DLGAP2: variants seen among roughly 807,000 people sequenced by gnomAD.
DLGAP2 encodes disks large-associated protein 2.
In DLGAP2, 26 loss-of-function variants were observed where a neutral mutation model predicts 100.3. That is an observed-to-expected ratio of 0.26 (90% CI 0.19 to 0.36). DLGAP2 has a LOEUF of 0.36. DLGAP2 is among the 10% of genes least tolerant of loss of function. The pLI is 1.00. For synonymous variants in DLGAP2, 886 were observed against 630.1 expected (o/e 1.41, Z -6.08); for missense variants, 1,858 against 1,453.2 (o/e 1.28, Z -4.53).
At chr8:1,564,790 A>G (rs573913186) in intron 5 of DLGAP2, among the ~76,000 whole-genome samples, 1 of 152,238 alleles carries the variant, frequency 6.6e-6, no homozygotes, top group African/African-American at 2.4e-5. Flanking sequence ...CAGACATATA[A>G]CAAGCACAGG....
At chr8:1,563,119 C>T (rs528131407) in intron 5 of DLGAP2, among the ~76,000 whole-genome samples, 51 of 55,484 alleles carry the variant, frequency 9.2e-4, no homozygotes, top group African/African-American at 3.9e-3. Context: ...GGGGTGTCCG[C>T]GCCTCATTGC....
intron 8 of DLGAP2, among the ~76,000 whole-genome samples, chr8:1,644,291 G>A (rs565202130): frequency 5.9e-5 from 9 of 152,308 alleles, no homozygotes; most frequent in African/African-American, 1.9e-4. Flanking sequence ...GCCTCGTCTC[G>A]GCTCTGTGCA....
intron 2 of DLGAP2, among the ~76,000 whole-genome samples, chr8:911,709 G>A (rs1269599277): frequency 6.6e-6 from 1 of 151,832 alleles, no homozygotes; most frequent in Non-Finnish European, 1.5e-5. Flanking sequence ...GGAGAATGTT[G>A]GAAGGATGTG....
intron 3 of DLGAP2, among the ~76,000 whole-genome samples, chr8:1,317,855 C>T (rs1234163788): frequency 6.8e-6 from 1 of 146,408 alleles, no homozygotes; most frequent in Non-Finnish European, 1.5e-5. Flanking sequence ...TCGAGACACT[C>T]AGCAGCTTTT....
chr8:1,382,814 T>C (rs1328412553), intron 3 of DLGAP2, among the ~76,000 whole-genome samples: 1 of 152,210 alleles, frequency 6.6e-6, no homozygotes, highest in East Asian at 1.9e-4. Flanking sequence ...CCATATTGAA[T>C]GCTTCATCAA....
At chr8:1,309,954 G>A (rs1014813956) in intron 3 of DLGAP2, among the ~76,000 whole-genome samples, 3 of 151,718 alleles carry the variant, frequency 2.0e-5, no homozygotes, top group African/African-American at 7.3e-5. Context: ...AATTAGCCAG[G>A]TGTGGTGTTG....
intron 1 of DLGAP2, among the ~76,000 whole-genome samples, chr8:897,349 G>T (rs865860120): frequency 6.6e-6 from 1 of 152,322 alleles, no homozygotes; most frequent in Middle Eastern, 3.4e-3. Context: ...CACCACGATT[G>T]TGCCGATGTA....
chr8:877,051 A>C (rs1797699085), intron 1 of DLGAP2, among the ~76,000 whole-genome samples: 1 of 148,954 alleles, frequency 6.7e-6, no homozygotes, highest in Non-Finnish European at 1.5e-5. Flanking sequence ...TTACCTCTTC[A>C]GTCATAGTCT....
chr8:1,664,014 A>G (rs1171098240), intron 8 of DLGAP2, among the ~76,000 whole-genome samples: 1 of 152,218 alleles, frequency 6.6e-6, no homozygotes, highest in Non-Finnish European at 1.5e-5. Context: ...AGTTTGCAGT[A>G]TCCTTATGCC....
At chr8:1,456,669 C>T (rs538280040) in intron 3 of DLGAP2, among the ~76,000 whole-genome samples, 19 of 152,194 alleles carry the variant, frequency 1.2e-4, no homozygotes, top group Non-Finnish European at 2.4e-4. Flanking sequence ...AAAATGAGAC[C>T]GATTGTTGAA....
At chr8:1,087,467 C>T (rs1804012475) in intron 2 of DLGAP2, among the ~76,000 whole-genome samples, 1 of 152,012 alleles carries the variant, frequency 6.6e-6, no homozygotes, top group Admixed American at 6.5e-5. Context: ...GTGACTCTTG[C>T]AGTATTTGGC....
At chr8:1,436,787 G>A (rs1379963746) in intron 3 of DLGAP2, among the ~76,000 whole-genome samples, 1 of 151,902 alleles carries the variant, frequency 6.6e-6, no homozygotes, top group Non-Finnish European at 1.5e-5. Flanking sequence ...AGCAGCTTCG[G>A]GTTCTGCAAG....
chr8:851,990 G>A (rs1797190929), intron 1 of DLGAP2, among the ~76,000 whole-genome samples: 1 of 152,192 alleles, frequency 6.6e-6, no homozygotes, highest in Non-Finnish European at 1.5e-5. Flanking sequence ...CAGCTAGTGG[G>A]CGGCGGTCCT....
intron 8 of DLGAP2, among the ~76,000 whole-genome samples, chr8:1,662,565 A>G (rs1246151882): frequency 6.6e-6 from 1 of 152,248 alleles, no homozygotes; most frequent in Non-Finnish European, 1.5e-5. Context: ...ACTCATTATA[A>G]CCAACAACTG....
chr8:1,172,402 C>G (rs1163500924), intron 2 of DLGAP2, among the ~76,000 whole-genome samples: 1 of 151,410 alleles, frequency 6.6e-6, no homozygotes, highest in Non-Finnish European at 1.5e-5. Context: ...GTGGCGTTCT[C>G]TGTATTTCCT....
chr8:743,088 T>C lies in DLGAP2; in HGVS notation c.18+5263T>C, dbSNP rs181904921. ...TTATTTATTATTTCTGGTCTTGTTT[T>C]ACTTTTTTGTATATCTCTTGCCACT... On this transcript the variant is annotated intron_variant, in intron 1 of 14. Coordinates refer to ENST00000637795, the MANE Select transcript of DLGAP2 (RefSeq NM_001346810.2). 4.5e-3 allele frequency among the ~76,000 whole-genome samples: 691 copies of C among 152,370 alleles called. 1 individual carries two copies. Among genetic ancestry groups the C allele is most frequent in the African/African-American group, 0.016 (667 of 41,590 alleles).
chr8:1,382,792 A>T (rs2404293), intron 3 of DLGAP2, among the ~76,000 whole-genome samples: 256 of 152,254 alleles, frequency 1.7e-3, no homozygotes, highest in African/African-American at 6.0e-3. Context: ...GATTATAGCA[A>T]GAAATCAGAA....
chr8:1,637,724 C>T (rs1382241437), intron 8 of DLGAP2, among the ~76,000 whole-genome samples: 1 of 152,222 alleles, frequency 6.6e-6, no homozygotes, highest in Admixed American at 6.5e-5. Context: ...GCGCTAAGTG[C>T]TCTGAATCCA....
chr8:855,771 C>G (rs982697746), intron 1 of DLGAP2, among the ~76,000 whole-genome samples: 1 of 152,180 alleles, frequency 6.6e-6, no homozygotes, highest in African/African-American at 2.4e-5. Flanking sequence ...TTGATGTAAT[C>G]ATCGCATCAG....
Sources: allele counts gnomAD v4.1 joint callset (sites outside exome capture counted in the v4.1 genomes callset), GRCh38; gene constraint gnomAD v4.1.1; transcripts MANE v1.5; gene names NCBI Gene and HGNC (gene_info 2026-07-23, HGNC 2026-07-21).